Variants in HNMT observed in about 807,000 individuals in gnomAD.
The protein encoded by HNMT is histamine N-methyltransferase.
A neutral mutation model predicts 32.1 loss-of-function variants in HNMT; 30 were observed. That is an observed-to-expected ratio of 0.93 (90% CI 0.70 to 1.27). The LOEUF (loss-of-function observed/expected upper bound fraction) is 1.27, where lower values mean the gene tolerates loss of function less well. Ranked by LOEUF, HNMT falls within the 50% of genes most tolerant of loss-of-function variation. The probability of loss-of-function intolerance (pLI) is 0.00; values close to 1 mark genes in which losing one functional copy is unlikely to be tolerated. For missense variants in HNMT, 327 were observed against 346.0 expected (o/e 0.95, Z 0.43); for synonymous variants, 125 against 119.0 (o/e 1.05, Z -0.33).
At chr2:138,013,442 T>C (rs1681570284) in intron 5 of HNMT, among the ~76,000 whole-genome samples, 1 of 152,122 alleles carries the variant, frequency 6.6e-6, no homozygotes, top group Non-Finnish European at 1.5e-5. Context: ...ATCTCTCTCC[T>C]GGAGTCATCT....
intron 1 of HNMT, among the ~76,000 whole-genome samples, chr2:137,968,827 G>C (rs972705923): frequency 6.6e-6 from 1 of 152,176 alleles, no homozygotes; most frequent in Non-Finnish European, 1.5e-5. Context: ...TCCTGTGACT[G>C]AGCAGGCTTT....
chr2:137,973,654 T>C (rs1322379911), intron 2 of HNMT, among the ~76,000 whole-genome samples: 4 of 152,200 alleles, frequency 2.6e-5, no homozygotes, highest in African/African-American at 9.6e-5. Flanking sequence ...AAATATTCTC[T>C]AAGCATTCAT....
intron 2 of HNMT, among the ~76,000 whole-genome samples, chr2:137,999,913 T>C (rs532888441): frequency 4.0e-3 from 131 of 32,464 alleles, no homozygotes; most frequent in African/African-American, 0.01. Flanking sequence ...TTTTTATTTT[T>C]CTAATAAAAA....
chr2:137,989,856 T>C (rs888748890), intron 2 of HNMT, among the ~76,000 whole-genome samples: 1 of 152,208 alleles, frequency 6.6e-6, no homozygotes, highest in Non-Finnish European at 1.5e-5. Flanking sequence ...TGATATGAAA[T>C]ATCTCTTTAT....
chr2:137,970,929 AAAAAAAAG>A (rs1272764639), intron 2 of HNMT, among the ~76,000 whole-genome samples: 153 of 66,088 alleles, frequency 2.3e-3, no homozygotes, highest in South Asian at 4.5e-3. Context: ...CAAAAAAAAA[AAAAAAAAG>A]AAAGAAAGAA....
intron 2 of HNMT, among the ~76,000 whole-genome samples, chr2:137,997,411 CAT>C (rs1364227256): frequency 2.0e-5 from 3 of 152,050 alleles, no homozygotes; most frequent in African/African-American, 7.2e-5. Flanking sequence ...GGCCAACAAA[CAT>C]ATGAAAAAAA....
chr2:138,011,628 T>C (rs1419155361), intron 5 of HNMT, among the ~76,000 whole-genome samples: 1 of 152,082 alleles, frequency 6.6e-6, no homozygotes, highest in Non-Finnish European at 1.5e-5. Flanking sequence ...GTATGTATTG[T>C]TTGTGTATTT....
intron 2 of HNMT, among the ~76,000 whole-genome samples, chr2:137,999,860 C>G (rs1681106612): frequency 2.0e-5 from 3 of 151,910 alleles, no homozygotes; most frequent in Admixed American, 1.3e-4. Flanking sequence ...ATATGCATTA[C>G]TTCATTTAAC....
intron 2 of HNMT, among the ~76,000 whole-genome samples, chr2:137,985,900 C>T (rs182481644): frequency 1.3e-5 from 2 of 152,146 alleles, no homozygotes; most frequent in African/African-American, 4.8e-5. Flanking sequence ...ACCCAGGAGG[C>T]AGAGCTTGCA....
chr2:137,990,326 A>G (rs1680780566), intron 2 of HNMT, among the ~76,000 whole-genome samples: 1 of 152,148 alleles, frequency 6.6e-6, no homozygotes, highest in African/African-American at 2.4e-5. Context: ...TTGCAGCACC[A>G]TTTGTTGAAA....
At chr2:137,985,753 T>C (rs1262492762) in intron 2 of HNMT, among the ~76,000 whole-genome samples, 1 of 152,198 alleles carries the variant, frequency 6.6e-6, no homozygotes, top group African/African-American at 2.4e-5. Context: ...TGATATAAGG[T>C]ATAGTCACAT....
intron 2 of HNMT, among the ~76,000 whole-genome samples, chr2:137,971,675 A>C (rs2104927931): frequency 6.6e-6 from 1 of 152,324 alleles, no homozygotes; most frequent in Admixed American, 6.5e-5. Flanking sequence ...AGAGTGATAT[A>C]GGTAACATTT....
chr2:137,976,281 A>AAC lies in HNMT; in HGVS notation c.190+6065_190+6066insCA, dbSNP rs1680286891. On this transcript the variant is annotated intron_variant, in intron 2 of 5. Coordinates refer to ENST00000280097, the MANE Select transcript of HNMT (RefSeq NM_006895.3). ...ACTCCATCTCAAAAAAACAAAAAACAAAAAAAAAAAAACCTGTCTATAAAT... is the reference window on the plus strand; with the variant it reads ...ACTCCATCTCAAAAAAACAAAAAACAACAAAAAAAAAAAACCTGTCTATAAAT... Among the ~76,000 whole-genome samples the AAC allele has an allele frequency of 2.4e-3, 19 of 8,074 alleles. 1 individual carries two copies. The South Asian group carries it at 0.1, about 42-fold the overall frequency. The allele number at this position is 8,074 out of a possible 152,430, so 5.3% of individuals were successfully genotyped here. A position where few individuals can be genotyped will look rare whatever the true frequency, so the allele number is the denominator to read the frequency against.
At chr2:137,979,092 T>C (rs1040056257) in intron 2 of HNMT, among the ~76,000 whole-genome samples, 9 of 145,614 alleles carry the variant, frequency 6.2e-5, no homozygotes, top group Admixed American at 2.8e-4. Flanking sequence ...TATAGTATAG[T>C]TATATATATT....
intron 2 of HNMT, among the ~76,000 whole-genome samples, chr2:137,993,313 G>T (rs2104960940): frequency 6.6e-6 from 1 of 152,256 alleles, no homozygotes; most frequent in East Asian, 1.9e-4. Context: ...TTGATAAAAG[G>T]TTAGAGGAAT....
chr2:138,009,102 A>G (rs931926510), intron 5 of HNMT, among the ~76,000 whole-genome samples: 2 of 152,062 alleles, frequency 1.3e-5, no homozygotes, highest in African/African-American at 2.4e-5. Context: ...TGAATAAACA[A>G]TTCTCAAAAG....
At chr2:137,985,212 A>AAAAAGAT (rs1359845858) in intron 2 of HNMT, among the ~76,000 whole-genome samples, 1 of 152,138 alleles carries the variant, frequency 6.6e-6, no homozygotes, top group Non-Finnish European at 1.5e-5. Flanking sequence ...TAAAAAAAAA[A>AAAAAGAT]AAAAAGATTA....
At position 138,006,692 on chromosome 2, in the gene HNMT, A is replaced by G. The variant is rs115726135; in HGVS notation, c.523+1467A>G. Among the ~76,000 whole-genome samples the G allele has an allele frequency of 5.1e-3, 780 of 152,124 alleles. 9 individuals are homozygous for G. The highest frequency in any genetic ancestry group is 0.018 in the African/African-American group (746 of 41,552). On this transcript the variant is annotated intron_variant, in intron 5 of 5. Transcript: ENST00000280097. The stretch of plus-strand genomic sequence containing the variant: ...AAATTTGAAGACCAAAATAAACCCA[A>G]TGAAATGTGTTGTATGTTAATACAT...
At chr2:137,981,115 T>C in intron 2 of HNMT, 1 of 1,347,822 alleles carries the variant, frequency 7.4e-7, no homozygotes, top group Non-Finnish European at 9.9e-7. Context: ...TTCCTGCTGA[T>C]AATATATATT....
Sources: allele counts gnomAD v4.1 joint callset (sites outside exome capture counted in the v4.1 genomes callset), GRCh38; gene constraint gnomAD v4.1.1; transcripts MANE v1.5; gene names NCBI Gene and HGNC (gene_info 2026-07-23, HGNC 2026-07-21).